ARHGAP25: variants seen among roughly 807,000 people sequenced by gnomAD.
ARHGAP25 encodes Rho GTPase activating protein 25.
Under a neutral mutation model 71.0 loss-of-function variants are expected in ARHGAP25, and 34 were observed. The ratio of observed to expected loss-of-function variants is 0.48; its 90% CI spans 0.36 to 0.64. The LOEUF is 0.64. Ranked by LOEUF, ARHGAP25 falls within the 30% of genes least tolerant of loss-of-function variation. The probability of loss-of-function intolerance (pLI) is 0.00; values close to 1 mark genes in which losing one functional copy is unlikely to be tolerated. For missense variants in ARHGAP25, 706 were observed against 805.1 expected (o/e 0.88, Z 1.49); for synonymous variants, 282 against 296.5 (o/e 0.95, Z 0.50).
At chr2:68,711,904 A>G (rs1411765099) in intron 2 of ARHGAP25, among the ~76,000 whole-genome samples, 1 of 152,252 alleles carries the variant, frequency 6.6e-6, no homozygotes, top group East Asian at 1.9e-4. Context: ...ACATTTCTTT[A>G]TCCAGTCTAT....
chr2:68,772,483 T>C (rs548699401), intron 1 of ARHGAP25, among the ~76,000 whole-genome samples: 7 of 152,372 alleles, frequency 4.6e-5, no homozygotes, highest in Admixed American at 6.5e-5. Context: ...TCACTGAGGC[T>C]ACTGAAGTGG....
chr2:68,732,937 C>T (rs1193266048), upstream of ARHGAP25, among the ~76,000 whole-genome samples: 1 of 152,162 alleles, frequency 6.6e-6, no homozygotes, highest in Non-Finnish European at 1.5e-5. Context: ...TAGATCTAAG[C>T]AGAGATCCAT....
chr2:68,798,822 A>G (rs1467995174), intron 4 of ARHGAP25, among the ~76,000 whole-genome samples: 2 of 152,236 alleles, frequency 1.3e-5, no homozygotes, highest in African/African-American at 4.8e-5. Flanking sequence ...TGTGACAGAA[A>G]GAAGAACAGG....
At chr2:68,798,993 A>G (rs1459878422) in intron 4 of ARHGAP25, among the ~76,000 whole-genome samples, 1 of 152,166 alleles carries the variant, frequency 6.6e-6, no homozygotes, top group Non-Finnish European at 1.5e-5. Context: ...TGGAAAATGG[A>G]TTGGGCTGGA....
intron 3 of ARHGAP25, among the ~76,000 whole-genome samples, chr2:68,787,172 C>T (rs557877851): frequency 1.3e-5 from 2 of 152,190 alleles, no homozygotes; most frequent in African/African-American, 4.8e-5. Context: ...ATTTCTCCCA[C>T]CTTTTTGGTC....
At chr2:68,822,975 T>G (rs986674579) in intron 10 of ARHGAP25, 103 bp downstream of exon 10, 9 of 1,260,166 alleles carry the variant, frequency 7.1e-6, no homozygotes, top group African/African-American at 3.0e-5. Flanking sequence ...AAGCTTCAAT[T>G]TGGGGAAGAC....
Position 68,714,639 on chromosome 2 carries a change from C to T in ARHGAP25, c.-18+3941C>T, listed in dbSNP as rs188409079. Among the ~76,000 whole-genome samples, 3 of 152,308 alleles carry T rather than the reference C, an allele frequency of 2.0e-5. No individual in the cohort carries two copies. In the East Asian group the frequency reaches 5.8e-4, roughly 29 times the overall value. On this transcript the variant is annotated intron_variant and NMD_transcript_variant, in intron 2 of 7. Transcript: ENST00000463483. ...GGCATTTAGTGCTATACATTTCCCTCTAAACACTACTTTATCCGTGTCCCA... is the reference window on the plus strand; with the variant it reads ...GGCATTTAGTGCTATACATTTCCCTTTAAACACTACTTTATCCGTGTCCCA...
intron 4 of ARHGAP25, among the ~76,000 whole-genome samples, chr2:68,793,467 G>A (rs116608016): frequency 0.016 from 2,361 of 152,148 alleles, 55 homozygotes; most frequent in African/African-American, 0.054. Context: ...TGAGAGATAG[G>A]GCTCCAGTTT....
At chr2:68,810,079 C>T (rs556751082) in intron 5 of ARHGAP25, among the ~76,000 whole-genome samples, 21 of 150,772 alleles carry the variant, frequency 1.4e-4, no homozygotes, top group African/African-American at 4.9e-4. Context: ...GTGCATCAGC[C>T]GTTGAACCCA....
At chr2:68,789,810 C>T (rs1374880468) in intron 4 of ARHGAP25, among the ~76,000 whole-genome samples, 1 of 152,096 alleles carries the variant, frequency 6.6e-6, no homozygotes, top group Non-Finnish European at 1.5e-5. Context: ...AACTGCTGTA[C>T]TCTGTCATGA....
chr2:68,764,115 A>G (rs1558621320), intron 1 of ARHGAP25, among the ~76,000 whole-genome samples: 1 of 152,148 alleles, frequency 6.6e-6, no homozygotes, highest in Admixed American at 6.5e-5. Flanking sequence ...GCACAGACTC[A>G]TATAATTTGT....
intron 4 of ARHGAP25, 167 bp from the exon 5 acceptor site, chr2:68,807,106 G>A (rs1429119222): frequency 6.3e-6 from 4 of 633,106 alleles, no homozygotes; most frequent in South Asian, 4.0e-5. Flanking sequence ...AAATTTACAG[G>A]CCCCTATTTA....
chr2:68,802,205 G>A (rs900539161), intron 4 of ARHGAP25, among the ~76,000 whole-genome samples: 6 of 151,972 alleles, frequency 3.9e-5, no homozygotes, highest in East Asian at 1.9e-4. Context: ...TCAGGAGATC[G>A]AGACCTTCCT....
chr2:68,789,079 A>T (rs1678977706), intron 4 of ARHGAP25, among the ~76,000 whole-genome samples: 2 of 149,920 alleles, frequency 1.3e-5, no homozygotes, highest in South Asian at 4.2e-4. Flanking sequence ...GTCGCCCAGG[A>T]TGGAGTGCAG....
chr2:68,776,115 A>G (rs1168861859), intron 2 of ARHGAP25, among the ~76,000 whole-genome samples: 3 of 151,446 alleles, frequency 2.0e-5, no homozygotes, highest in African/African-American at 7.3e-5. Flanking sequence ...CCAGGCAGAG[A>G]GAACGGCCGG....
intron 2 of ARHGAP25, among the ~76,000 whole-genome samples, chr2:68,724,803 G>A (rs761975822): frequency 9.2e-5 from 14 of 152,022 alleles, no homozygotes; most frequent in Non-Finnish European, 7.4e-5. Flanking sequence ...TTCTCAGGCC[G>A]TGCTCGACCT....
At position 68,807,664 on chromosome 2, in the gene ARHGAP25, G is replaced by T. The variant is rs3749129; in HGVS notation, c.674+184G>T. 1.3e-3 allele frequency among the ~76,000 whole-genome samples: 205 copies of T among 152,342 alleles called. 7 individuals carry two copies. In the East Asian group the frequency reaches 0.037, roughly 27 times the overall value. On this transcript the variant is annotated intron_variant, in intron 5 of 10. Coordinates refer to ENST00000409202, the MANE Select transcript of ARHGAP25 (RefSeq NM_001007231.3). ...ATTTGGGAGACGGGAGCACAGTTAGGAGAGTGTGCAGATAGTTTATGTGAC... is the reference window on the plus strand; with the variant it reads ...ATTTGGGAGACGGGAGCACAGTTAGTAGAGTGTGCAGATAGTTTATGTGAC...
In ARHGAP25 at chr2:68,758,152, A is replaced by C. The variant is rs147746634; in HGVS notation, c.62-17069A>C. Among the ~76,000 whole-genome samples, 1,305 of 152,136 alleles carry C rather than the reference A, an allele frequency of 8.6e-3. 18 individuals are homozygous for C. The highest frequency in any genetic ancestry group is 0.03 in the African/African-American group (1,240 of 41,558). On this transcript the variant is annotated intron_variant, in intron 1 of 10. Transcript: ENST00000409202. ...GGAAGAAAGTTAAATCTTTCACTACAAAAAAATCAACTAACACAAAAGAAG... is the reference window on the plus strand; with the variant it reads ...GGAAGAAAGTTAAATCTTTCACTACCAAAAAATCAACTAACACAAAAGAAG...
intron 4 of ARHGAP25, among the ~76,000 whole-genome samples, chr2:68,806,576 T>C (rs1281486601): frequency 6.6e-6 from 1 of 152,234 alleles, no homozygotes; most frequent in East Asian, 1.9e-4. Flanking sequence ...GGGCAAGTAG[T>C]GTATATAACG....
Sources: gnomAD v4.1 joint callset for allele counts (sites outside exome capture counted in the v4.1 genomes callset) on GRCh38, gnomAD v4.1.1 for gene constraint, MANE v1.5 for transcripts, NCBI Gene and HGNC (gene_info 2026-07-23, HGNC 2026-07-21) for gene names.